TMEM108: variants seen among roughly 807,000 people sequenced by gnomAD.
TMEM108 encodes the protein cancer/testis antigen 124.
Under a neutral mutation model 35.1 loss-of-function variants are expected in TMEM108, and 12 were observed. The ratio of observed to expected loss-of-function variants is 0.34; its 90% CI spans 0.22 to 0.55. TMEM108 has a LOEUF of 0.55. TMEM108 is among the 20% of genes least tolerant of loss of function. TMEM108 has a pLI of 0.89. For missense variants in TMEM108, 680 were observed against 753.3 expected, an observed-to-expected ratio of 0.90 and a Z score of 1.14; for synonymous variants, 287 against 308.6, an observed-to-expected ratio of 0.93 and a Z score of 0.73.
chr3:133,234,891 G>T (rs7646941), intron 3 of TMEM108, among the ~76,000 whole-genome samples: 2,161 of 152,248 alleles, frequency 0.014, 63 homozygotes, highest in African/African-American at 0.05. Context: ...AAGCTGATAA[G>T]CAACTTCAAC....
At position 133,341,547 on chromosome 3, in the gene TMEM108, C is replaced by T. The variant is rs961980306; in HGVS notation, c.41-38205C>T. Among the ~76,000 whole-genome samples the T allele has an allele frequency of 2.0e-5, 3 of 151,670 alleles. No homozygotes were observed. In the South Asian group the frequency reaches 6.2e-4, roughly 31 times the overall value. On this transcript the variant is annotated intron_variant, in intron 3 of 5. Transcript: ENST00000321871. ...AGAAATAGTAGAAATAGTCCTAAAACATATGTGGAACTGCAAAGATCTAGA... is the reference window on the plus strand; with the variant it reads ...AGAAATAGTAGAAATAGTCCTAAAATATATGTGGAACTGCAAAGATCTAGA...
chr3:133,281,422 A>G (rs535179145), intron 3 of TMEM108, among the ~76,000 whole-genome samples: 1 of 152,366 alleles, frequency 6.6e-6, no homozygotes, highest in South Asian at 2.1e-4. Flanking sequence ...GCAGAGTTAT[A>G]ACGTCAGATA....
intron 2 of TMEM108, among the ~76,000 whole-genome samples, chr3:133,145,641 T>A (rs553201028): frequency 6.6e-6 from 1 of 152,226 alleles, no homozygotes; most frequent in African/African-American, 2.4e-5. Flanking sequence ...CTTATTTCGT[T>A]GAGCAGTGGT....
chr3:133,353,108 GTGATCTTGACCTTGAAATGTC>G (rs1380195689), intron 3 of TMEM108, among the ~76,000 whole-genome samples: 2 of 152,178 alleles, frequency 1.3e-5, no homozygotes, highest in African/African-American at 2.4e-5. Context: ...AACCACCTTT[GTGATCTTGACCTTGAAATGTC>G]TCGTGAAACA....
intron 2 of TMEM108, among the ~76,000 whole-genome samples, chr3:133,228,171 G>C (rs1283566623): frequency 6.9e-6 from 1 of 145,546 alleles, no homozygotes; most frequent in Non-Finnish European, 1.5e-5. Context: ...TGAATTTTAT[G>C]TATGAGTTAT....
At chr3:133,354,578 G>A (rs550549073) in intron 3 of TMEM108, among the ~76,000 whole-genome samples, 1 of 152,242 alleles carries the variant, frequency 6.6e-6, no homozygotes, top group African/African-American at 2.4e-5. Flanking sequence ...ACAGAGGTTT[G>A]GAGTAAGACA....
At position 133,397,220 on chromosome 3, in the gene TMEM108, AGAT is replaced by A. The variant is rs1359083639; in HGVS notation, c.*1238_*1240del. On this transcript the variant is annotated 3_prime_UTR_variant, in exon 6 of 6. Coordinates refer to ENST00000321871, the MANE Select transcript of TMEM108 (RefSeq NM_023943.4). The stretch of plus-strand genomic sequence containing the variant: ...ATTTTTTCCTGATTGTGGCTGAGAG[AGAT>A]GATTACTGCTTTGACACTTCCTTTC... The A allele has an allele frequency of 6.6e-6, 1 of 152,112 alleles. No individual in the cohort carries two copies. Among genetic ancestry groups the A allele is most frequent in the Non-Finnish European group, 1.5e-5 (1 of 68,014 alleles). The allele number at this position is 152,112 out of a possible 1,614,324, so 9.4% of individuals were successfully genotyped here.
At chr3:133,393,999 T>G (rs1234613988) in intron 5 of TMEM108, among the ~76,000 whole-genome samples, 1 of 152,200 alleles carries the variant, frequency 6.6e-6, no homozygotes, top group Admixed American at 6.5e-5. Flanking sequence ...CAGAGTGGAT[T>G]GGATTTTGCT....
chr3:133,185,784 C>CTTTTCTTTTTTTTTTTTTTCTTTTT (rs1441056931), intron 2 of TMEM108, among the ~76,000 whole-genome samples: 1 of 127,094 alleles, frequency 7.9e-6, no homozygotes, highest in Admixed American at 8.5e-5. Flanking sequence ...CTTTTCTTTT[C>CTTTTCTTTTTTTTTTTTTTCTTTTT]TTTTTTTTTT....
chr3:133,060,726 A>G (rs1207502892), intron 2 of TMEM108, among the ~76,000 whole-genome samples: 1 of 152,220 alleles, frequency 6.6e-6, no homozygotes, highest in East Asian at 1.9e-4. Flanking sequence ...GGCAAGATAC[A>G]TAAAAGTGTA....
intron 3 of TMEM108, among the ~76,000 whole-genome samples, chr3:133,297,931 G>A (rs994712981): frequency 1.3e-5 from 2 of 152,112 alleles, no homozygotes; most frequent in Non-Finnish European, 2.9e-5. Context: ...CCCATTATTG[G>A]AGATACTTAT....
intron 2 of TMEM108, among the ~76,000 whole-genome samples, chr3:133,129,380 C>A (rs1944460468): frequency 7.1e-6 from 1 of 141,600 alleles, no homozygotes. Context: ...AAACGAAACA[C>A]TAAATTAGTT....
chr3:133,216,220 TTA>T (rs757118356), intron 2 of TMEM108, among the ~76,000 whole-genome samples: 9 of 152,152 alleles, frequency 5.9e-5, no homozygotes, highest in Non-Finnish European at 1.3e-4. Flanking sequence ...TAGAACATTT[TTA>T]GTGTTCTATG....
Position 133,296,536 on chromosome 3 carries a change from C to CA in TMEM108, c.40+67196dup, listed in dbSNP as rs1385518992. 3.4e-3 allele frequency among the ~76,000 whole-genome samples: 484 copies of CA among 141,038 alleles called. 3 individuals carry two copies. The highest frequency in any genetic ancestry group is 4.8e-3 in the Admixed American group (67 of 14,104). The allele number at this position is 141,038 out of a possible 152,430, so 92.5% of individuals were successfully genotyped here. ...TATTAATACCAGGTTGCTAGGCTGC[C>CA]AAAAAAAAAAACACACACTAATAAA... is the stretch of plus-strand genomic sequence containing the variant. On this transcript the variant is annotated intron_variant, in intron 3 of 5. Coordinates refer to ENST00000321871, the MANE Select transcript of TMEM108 (RefSeq NM_023943.4).
intron 2 of TMEM108, among the ~76,000 whole-genome samples, chr3:133,100,655 A>T (rs992000456): frequency 6.6e-6 from 1 of 152,198 alleles, no homozygotes; most frequent in Non-Finnish European, 1.5e-5. Context: ...GATTTGTTCA[A>T]TACCTCCAAA....
chr3:133,389,235 A>G, intron 4 of TMEM108: 4 of 985,474 alleles, frequency 4.1e-6, no homozygotes, highest in Non-Finnish European at 4.8e-6. Flanking sequence ...CAATATCGAG[A>G]CATAATTCTT....
chr3:133,082,144 A>C (rs60808933), intron 2 of TMEM108, among the ~76,000 whole-genome samples: 22,484 of 152,222 alleles, frequency 0.15, 1,652 homozygotes, highest in East Asian at 0.18. Flanking sequence ...ATGCCAAGTT[A>C]CTTCAACAGC....
At chr3:133,128,417 C>T (rs1944445013) in intron 2 of TMEM108, among the ~76,000 whole-genome samples, 1 of 152,086 alleles carries the variant, frequency 6.6e-6, no homozygotes, top group South Asian at 2.1e-4. Flanking sequence ...TTAAATTAAC[C>T]TGAATAGAAA....
chr3:133,234,820 T>C (rs998158960), intron 3 of TMEM108, among the ~76,000 whole-genome samples: 1 of 152,192 alleles, frequency 6.6e-6, no homozygotes, highest in Non-Finnish European at 1.5e-5. Context: ...TGTCCCTGTT[T>C]GCAGACGACA....
Sources: gnomAD v4.1 joint callset for allele counts (sites outside exome capture counted in the v4.1 genomes callset) on GRCh38, gnomAD v4.1.1 for gene constraint, MANE v1.5 for transcripts, NCBI Gene and HGNC (gene_info 2026-07-23, HGNC 2026-07-21) for gene names.